The following SH3RF3 variants were observed in gnomAD, a reference collection of about 807,000 sequenced individuals.
The protein encoded by SH3RF3 is SH3 domain containing ring finger 3.
Under a neutral mutation model 66.3 loss-of-function variants are expected in SH3RF3, and 29 were observed. The observed-to-expected ratio is 0.44, with a 90% CI of 0.33 to 0.60. The LOEUF is 0.60. Ranked by LOEUF, SH3RF3 falls within the 20% of genes least tolerant of loss-of-function variation. The probability of loss-of-function intolerance (pLI) is 0.04; values close to 1 mark genes in which losing one functional copy is unlikely to be tolerated. For synonymous variants in SH3RF3, 583 were observed against 532.0 expected, an observed-to-expected ratio of 1.10 and a Z score of -1.32; for missense variants, 1,194 against 1,190.9, an observed-to-expected ratio of 1.00 and a Z score of -0.04.
At position 109,398,855 on chromosome 2, in the gene SH3RF3, G is replaced by A; in HGVS notation, c.1211G>A (p.Ser404Asn). 6.2e-7 allele frequency: 1 copy of A among 1,613,958 alleles called. No individual in the cohort carries two copies. The highest frequency in any genetic ancestry group is 8.5e-7 in the Non-Finnish European group (1 of 1,179,886). ...AGCCACAGGCATTCCATGGAAATTA[G>A]TGCTCCAGTGTTGATCAGCTCCAGC... ...AASHRHSMEISAPVLISSSDP... is the reference protein window; with the variant it reads ...AASHRHSMEINAPVLISSSDP... Residue 404 changes from serine (S) to asparagine (N), a missense_variant, in exon 4 of 10, where the codon AGT (serine) becomes AAT (asparagine). By Grantham distance (46) the Ser-to-Asn change is conservative. Transcript: ENST00000309415.
At chr2:109,187,597 G>T (rs1384989013) in intron 1 of SH3RF3, among the ~76,000 whole-genome samples, 1 of 152,178 alleles carries the variant, frequency 6.6e-6, no homozygotes, top group Admixed American at 6.5e-5. Flanking sequence ...TATAGGCTAG[G>T]AGCATAGGCT....
intron 1 of SH3RF3, among the ~76,000 whole-genome samples, chr2:109,208,124 C>T (rs1473026564): frequency 1.3e-5 from 2 of 152,284 alleles, no homozygotes; most frequent in African/African-American, 4.8e-5. Context: ...CTGCTGCCCC[C>T]ATGGGCTCAG....
chr2:109,379,235 C>A (rs1559051696), intron 3 of SH3RF3, among the ~76,000 whole-genome samples: 1 of 152,206 alleles, frequency 6.6e-6, no homozygotes, highest in African/African-American at 2.4e-5. Flanking sequence ...GCCAGTGATG[C>A]TTTAGGAATT....
intron 1 of SH3RF3, among the ~76,000 whole-genome samples, chr2:109,320,055 C>T (rs1346890031): frequency 6.6e-6 from 1 of 152,198 alleles, no homozygotes; most frequent in African/African-American, 2.4e-5. Context: ...GGAGCTACTT[C>T]CTCGAAGCTG....
At chr2:109,440,001 C>A (rs967185725) in intron 7 of SH3RF3, among the ~76,000 whole-genome samples, 3 of 152,080 alleles carry the variant, frequency 2.0e-5, no homozygotes, top group Admixed American at 6.6e-5. Flanking sequence ...GGTGATAATG[C>A]CTTGAATCTT....
chr2:109,435,289 G>A (rs542463623), intron 6 of SH3RF3, among the ~76,000 whole-genome samples: 1 of 152,332 alleles, frequency 6.6e-6, no homozygotes, highest in South Asian at 2.1e-4. Flanking sequence ...AGAAGTGGAA[G>A]ACACCTGTCC....
chr2:109,373,951 T>A (rs1034351202), intron 3 of SH3RF3, among the ~76,000 whole-genome samples: 1 of 152,122 alleles, frequency 6.6e-6, no homozygotes, highest in African/African-American at 2.4e-5. Context: ...CAGCAGGCTC[T>A]CTGTCATCTC....
intron 3 of SH3RF3, among the ~76,000 whole-genome samples, chr2:109,374,685 A>T (rs558123518): frequency 6.6e-6 from 1 of 152,182 alleles, no homozygotes; most frequent in Non-Finnish European, 1.5e-5. Flanking sequence ...CTAAGAGGAT[A>T]TCTTCTTTCA....
intron 1 of SH3RF3, among the ~76,000 whole-genome samples, chr2:109,192,317 A>G (rs979085269): frequency 6.6e-6 from 1 of 152,224 alleles, no homozygotes; most frequent in Non-Finnish European, 1.5e-5. Context: ...AGATGCTTGG[A>G]TACAAAAAGC....
At chr2:109,236,957 C>T (rs1257216564) in intron 1 of SH3RF3, among the ~76,000 whole-genome samples, 2 of 152,042 alleles carry the variant, frequency 1.3e-5, no homozygotes, top group Non-Finnish European at 2.9e-5. Context: ...TTTCAACTGG[C>T]CTAAGGGTTT....
chr2:109,322,897 A>G (rs1224762131), intron 1 of SH3RF3, among the ~76,000 whole-genome samples: 3 of 152,218 alleles, frequency 2.0e-5, no homozygotes, highest in Non-Finnish European at 4.4e-5. Context: ...TAATGTTAAG[A>G]TGAGGCCAAG....
chr2:109,172,017 C>T (rs1380038055), intron 1 of SH3RF3, among the ~76,000 whole-genome samples: 1 of 152,218 alleles, frequency 6.6e-6, no homozygotes, highest in Non-Finnish European at 1.5e-5. Context: ...AAAGGCAGGG[C>T]CCAGCACTGT....
chr2:109,430,356 C>T (rs1243716718), intron 5 of SH3RF3, among the ~76,000 whole-genome samples: 1 of 152,240 alleles, frequency 6.6e-6, no homozygotes, highest in East Asian at 1.9e-4. Context: ...GTTACTGATT[C>T]ACAAGCCTTC....
intron 1 of SH3RF3, among the ~76,000 whole-genome samples, chr2:109,283,381 G>T (rs573873914): frequency 6.6e-6 from 1 of 152,168 alleles, no homozygotes; most frequent in South Asian, 2.1e-4. Flanking sequence ...ACCTCACTGC[G>T]TTGAAATTGA....
At chr2:109,413,270 A>G (rs1456849064) in intron 4 of SH3RF3, among the ~76,000 whole-genome samples, 5 of 152,150 alleles carry the variant, frequency 3.3e-5, no homozygotes, top group Non-Finnish European at 5.9e-5. Flanking sequence ...GCTTGCCACA[A>G]TGCCCAGCTA....
intron 9 of SH3RF3, among the ~76,000 whole-genome samples, chr2:109,499,481 A>C (rs2104412180): frequency 6.6e-6 from 1 of 152,094 alleles, no homozygotes; most frequent in Middle Eastern, 3.4e-3. Context: ...CACAATCCTC[A>C]CCCACAAAAG....
intron 5 of SH3RF3, among the ~76,000 whole-genome samples, chr2:109,424,963 G>A (rs1345461037): frequency 6.6e-6 from 1 of 152,222 alleles, no homozygotes; most frequent in Non-Finnish European, 1.5e-5. Context: ...TGAAACTTGT[G>A]CCAAACAGTT....
intron 8 of SH3RF3, among the ~76,000 whole-genome samples, chr2:109,479,799 G>T (rs1348608582): frequency 6.6e-6 from 1 of 152,106 alleles, no homozygotes. Context: ...TACGGGTTTC[G>T]CAGACCCCCA....
Position 109,449,497 on chromosome 2 carries a change from G to T in SH3RF3, c.2148+8G>T. 1.2e-6 allele frequency: 2 copies of T among 1,613,154 alleles called. No homozygotes were observed. The highest frequency in any genetic ancestry group is 8.5e-7 in the Non-Finnish European group (1 of 1,179,534). ...GAGAAGAAAAGTGAAAAGGTAAGAG[G>T]CCCATCCTGGACGAGCCCTGGGCTC... On this transcript the variant is annotated splice_region_variant and intron_variant, in intron 8 of 9. Transcript: ENST00000309415.
Sources: gnomAD v4.1 joint callset for allele counts (sites outside exome capture counted in the v4.1 genomes callset) on GRCh38, gnomAD v4.1.1 for gene constraint, MANE v1.5 for transcripts, NCBI Gene and HGNC (gene_info 2026-07-23, HGNC 2026-07-21) for gene names.